JAK1: variants seen among roughly 807,000 people sequenced by gnomAD.
JAK1 encodes tyrosine-protein kinase JAK1.
Under a neutral mutation model 136.6 loss-of-function variants are expected in JAK1, and 16 were observed. The observed-to-expected ratio is 0.12, with a 90% CI of 0.08 to 0.18. The LOEUF (loss-of-function observed/expected upper bound fraction) is 0.18, where lower values mean the gene tolerates loss of function less well. Ranked by LOEUF, JAK1 falls within the 10% of genes least tolerant of loss-of-function variation. The pLI is 1.00. For synonymous variants in JAK1, 492 were observed against 519.5 expected, an observed-to-expected ratio of 0.95 and a Z score of 0.72; for missense variants, 859 against 1,450.1, an observed-to-expected ratio of 0.59 and a Z score of 6.62.
rs555347434 is a variant in JAK1 at position 64,833,409 on chromosome 1, G to A, written c.*1153C>T. On this transcript the variant is annotated 3_prime_UTR_variant, in exon 25 of 25. Coordinates refer to ENST00000342505, the MANE Select transcript of JAK1 (RefSeq NM_002227.4). ...CAGGTGAAAAGTAACAATATCAAAC[G>A]AATACTAAACAGCATAACAAAAAGA... The A allele has an allele frequency of 2.2e-5, 5 of 232,558 alleles. No homozygotes were observed. The East Asian group carries it at 2.4e-4, about 11-fold the overall frequency. The allele number at this position is 232,558 out of a possible 1,614,324, so 14.4% of individuals were successfully genotyped here. A position where few individuals can be genotyped will look rare whatever the true frequency, so the allele number is the denominator to read the frequency against.
At chr1:64,865,446 TG>T (rs1485178408) in intron 7 of JAK1, among the ~76,000 whole-genome samples, 2 of 152,166 alleles carry the variant, frequency 1.3e-5, no homozygotes, top group Non-Finnish European at 2.9e-5. Context: ...ACGAATTTCA[TG>T]CTTGAAATAA....
chr1:65,003,049 C>T (rs924901188), intron 2 of JAK1, among the ~76,000 whole-genome samples: 1 of 141,946 alleles, frequency 7.0e-6, no homozygotes, highest in African/African-American at 2.6e-5. Flanking sequence ...AAAGCATTGG[C>T]ACCGCAGCAG....
chr1:64,847,459 TCTC>T, intron 13 of JAK1, 70 bp downstream of exon 13: 1 of 1,566,872 alleles, frequency 6.4e-7, no homozygotes, highest in Non-Finnish European at 8.8e-7. Flanking sequence ...CAAGGGTTCT[TCTC>T]AACCCATTGT....
rs1439493429 is a variant in JAK1 at position 64,837,967 on chromosome 1, G to A, written c.3105C>T (p.Tyr1035=). 6.2e-7 allele frequency: 1 copy of A among 1,614,154 alleles called. No individual in the cohort carries two copies. Among genetic ancestry groups the A allele is most frequent in the South Asian group, 1.1e-5 (1 of 91,080 alleles). Residue 1035 remains tyrosine, a synonymous_variant, in exon 22 of 25, where the codon TAC becomes TAT. Coordinates refer to ENST00000342505, the MANE Select transcript of JAK1 (RefSeq NM_002227.4). ...GGCTGTCCCGGTCATCCTTGACGGT[G>A]TAATACTCCTTATCGGTTTCAATTG... ...TKAIETDKEY[Y]TVKDDRDSPV...
chr1:64,896,606 T>C (rs972656315), intron 1 of JAK1, among the ~76,000 whole-genome samples: 1 of 152,212 alleles, frequency 6.6e-6, no homozygotes, highest in African/African-American at 2.4e-5. Context: ...ACGCATTGTG[T>C]AAAGCCTGCG....
chr1:64,914,299 G>C (rs10889502), intron 1 of JAK1, among the ~76,000 whole-genome samples: 44,838 of 152,042 alleles, frequency 0.29, 8,062 homozygotes, highest in East Asian at 0.62. Flanking sequence ...GAGGTTAAAT[G>C]AAGAGGGAAC....
intron 2 of JAK1, among the ~76,000 whole-genome samples, chr1:64,981,561 G>A (rs1646546085): frequency 6.6e-6 from 1 of 152,194 alleles, no homozygotes; most frequent in South Asian, 2.1e-4. Context: ...CATGGCAGGT[G>A]TTTGTTTCAA....
chr1:64,897,435 GA>G (rs1450660232), intron 1 of JAK1, among the ~76,000 whole-genome samples: 1 of 130,122 alleles, frequency 7.7e-6, no homozygotes, highest in Admixed American at 7.8e-5. Context: ...AAGAAAAAGA[GA>G]AAAAAAAAGA....
intron 1 of JAK1, among the ~76,000 whole-genome samples, chr1:64,902,583 A>AGAGTGTGTGTGTGTGTGT: frequency 9.5e-5 from 7 of 73,792 alleles, no homozygotes; most frequent in African/African-American, 3.1e-4. Context: ...AGAGAGAGAG[A>AGAGTGTGTGTGTGTGTGT]GTGTGTGTGT....
chr1:65,059,026 A>G (rs74626544), intron 1 of JAK1, among the ~76,000 whole-genome samples: 1 of 151,934 alleles, frequency 6.6e-6, no homozygotes, highest in African/African-American at 2.4e-5. Context: ...AAACTGCTCT[A>G]TATGTTTTCT....
At chr1:64,908,114 T>C (rs918954587) in intron 1 of JAK1, among the ~76,000 whole-genome samples, 1 of 152,202 alleles carries the variant, frequency 6.6e-6, no homozygotes, top group African/African-American at 2.4e-5. Context: ...ACTTTAGGAA[T>C]ACCCATTTAT....
chr1:64,968,600 G>A (rs1023303276), upstream of JAK1, among the ~76,000 whole-genome samples: 1 of 152,050 alleles, frequency 6.6e-6, no homozygotes, highest in Admixed American at 6.6e-5. Context: ...ACCAACTTGG[G>A]CAACACAGCA....
intron 1 of JAK1, among the ~76,000 whole-genome samples, chr1:65,064,458 TC>T (rs1647954319): frequency 6.6e-6 from 1 of 152,192 alleles, no homozygotes; most frequent in Admixed American, 6.5e-5. Flanking sequence ...CTGCTCCACT[TC>T]CAATCTTTAA....
At chr1:65,043,266 G>A (rs1378271491) in intron 2 of JAK1, among the ~76,000 whole-genome samples, 2 of 152,126 alleles carry the variant, frequency 1.3e-5, no homozygotes, top group African/African-American at 4.8e-5. Flanking sequence ...TATTCTAAAG[G>A]TGAGGAGATG....
At chr1:65,055,935 G>C (rs1280775255) in intron 1 of JAK1, among the ~76,000 whole-genome samples, 2 of 152,138 alleles carry the variant, frequency 1.3e-5, no homozygotes, top group Admixed American at 1.3e-4. Flanking sequence ...AAAACCCAAT[G>C]AATTTTTATA....
At chr1:64,838,134 T>C in intron 21 of JAK1, 30 bp from the exon 22 acceptor site, 1 of 1,589,442 alleles carries the variant, frequency 6.3e-7, no homozygotes. Flanking sequence ...GTCAAGCACA[T>C]TGCTAAAGTC....
chr1:64,955,150 T>C (rs759585078), intron 1 of JAK1, among the ~76,000 whole-genome samples: 2 of 152,264 alleles, frequency 1.3e-5, no homozygotes, highest in Non-Finnish European at 2.9e-5. Flanking sequence ...GATCTGTGTT[T>C]ATTCAATAAA....
At position 65,031,155 on chromosome 1, in the gene JAK1, CAAAAAAA is replaced by C. The variant is rs375856684; in HGVS notation, c.-78+13318_-78+13324del. Reference sequence around the variant, plus strand: ...GGCAACAGAGTGAGAGACCCTATCTCAAAAAAAAAAAAAAAAAAAAAGGAAAAATAGT... The same window carrying C: ...GGCAACAGAGTGAGAGACCCTATCTCAAAAAAAAAAAAAAGGAAAAATAGT... On this transcript the variant is annotated intron_variant, in intron 2 of 25. Coordinates refer to the JAK1 transcript ENST00000671954. Among the ~76,000 whole-genome samples, 54 of 68,274 alleles carry C rather than the reference CAAAAAAA, an allele frequency of 7.9e-4. 1 individual carries two copies. Among genetic ancestry groups the C allele is most frequent in the African/African-American group, 2.7e-3 (53 of 19,498 alleles). 44.8% of individuals were successfully genotyped at this position (68,274 alleles called of 152,430 possible). A position where few individuals can be genotyped will look rare whatever the true frequency, so the allele number is the denominator to read the frequency against.
intron 2 of JAK1, among the ~76,000 whole-genome samples, chr1:65,017,656 A>T (rs932574311): frequency 9.2e-5 from 14 of 152,198 alleles, no homozygotes; most frequent in Non-Finnish European, 1.9e-4. Flanking sequence ...TTAAAGGATT[A>T]ATACAGAGGA....
Sources: gnomAD v4.1 joint callset for allele counts (sites outside exome capture counted in the v4.1 genomes callset) on GRCh38, gnomAD v4.1.1 for gene constraint, MANE v1.5 for transcripts, NCBI Gene and HGNC (gene_info 2026-07-23, HGNC 2026-07-21) for gene names.